The following CDKAL1 variants were observed in gnomAD, a reference collection of about 807,000 sequenced individuals.
CDKAL1 encodes the protein CDKAL1 threonylcarbamoyladenosine tRNA methylthiotransferase.
In CDKAL1, 32 loss-of-function variants were observed where a neutral mutation model predicts 68.2. The observed-to-expected ratio is 0.47, with a 90% CI of 0.35 to 0.63. CDKAL1 has a LOEUF of 0.63. Among genes scored for constraint, CDKAL1 ranks in the 30% least tolerant of loss-of-function variants. The pLI is 0.00. For synonymous variants in CDKAL1, 234 were observed against 244.3 expected (o/e 0.96, Z 0.39); for missense variants, 606 against 696.7 (o/e 0.87, Z 1.47).
chr6:20,670,537 A>AT (rs1051111556), intron 5 of CDKAL1, among the ~76,000 whole-genome samples: 3 of 151,910 alleles, frequency 2.0e-5, no homozygotes, highest in Middle Eastern at 3.2e-3. Context: ...TTATTTATTT[A>AT]TTTTTTGTAC....
chr6:20,870,027 A>G (rs1046087772), intron 9 of CDKAL1, among the ~76,000 whole-genome samples: 1 of 152,248 alleles, frequency 6.6e-6, no homozygotes, highest in Non-Finnish European at 1.5e-5. Context: ...AATAATAGAA[A>G]TGTCCCCATT....
chr6:20,596,993 T>C (rs1161103827), intron 4 of CDKAL1, among the ~76,000 whole-genome samples: 2 of 152,204 alleles, frequency 1.3e-5, no homozygotes, highest in African/African-American at 4.8e-5. Flanking sequence ...CCAGGCCCGT[T>C]GAGATGAGCC....
intron 11 of CDKAL1, among the ~76,000 whole-genome samples, chr6:21,040,040 T>C (rs1769833080): frequency 6.6e-6 from 1 of 152,224 alleles, no homozygotes; most frequent in Non-Finnish European, 1.5e-5. Context: ...AATGTGAGCC[T>C]TGATCCATTG....
chr6:20,822,294 A>G (rs1030120626), intron 8 of CDKAL1, among the ~76,000 whole-genome samples: 3 of 152,332 alleles, frequency 2.0e-5, no homozygotes, highest in Middle Eastern at 3.4e-3. Context: ...GTAGTTGGTT[A>G]TGAATTAATA....
intron 9 of CDKAL1, among the ~76,000 whole-genome samples, chr6:20,868,602 T>C (rs1286653378): frequency 6.6e-6 from 1 of 152,266 alleles, no homozygotes; most frequent in African/African-American, 2.4e-5. Context: ...TGGAAGCTAA[T>C]GTTGGCTTAT....
chr6:20,823,739 T>C (rs1259733919), intron 8 of CDKAL1, among the ~76,000 whole-genome samples: 1 of 152,172 alleles, frequency 6.6e-6, no homozygotes, highest in Admixed American at 6.6e-5. Flanking sequence ...TTGAGAACAA[T>C]GTTACCATCA....
rs141110237 is a variant in CDKAL1, at chr6:20,793,821, A to T, written c.638+12556A>T. 7.7e-3 allele frequency among the ~76,000 whole-genome samples: 1,128 copies of T among 147,300 alleles called. 22 individuals are homozygous for T. Among genetic ancestry groups the T allele is most frequent in the African/African-American group, 0.026 (1,056 of 40,474 alleles). On this transcript the variant is annotated intron_variant, in intron 8 of 15. Coordinates refer to ENST00000274695, the MANE Select transcript of CDKAL1 (RefSeq NM_017774.3). The stretch of plus-strand genomic sequence containing the variant: ...TATATATTATATATATATATATCCT[A>T]ATTAGGTTATATATAATATATATAT...
At chr6:20,995,507 A>C (rs1356793817) in intron 10 of CDKAL1, among the ~76,000 whole-genome samples, 1 of 152,230 alleles carries the variant, frequency 6.6e-6, no homozygotes, top group Non-Finnish European at 1.5e-5. Flanking sequence ...CTCTTTGTAC[A>C]TCCCCATCAG....
intron 11 of CDKAL1, among the ~76,000 whole-genome samples, chr6:21,022,855 A>G (rs1768747981): frequency 6.6e-6 from 1 of 152,158 alleles, no homozygotes; most frequent in South Asian, 2.1e-4. Flanking sequence ...GTGCGTTACT[A>G]TTCACTGTAC....
intron 11 of CDKAL1, among the ~76,000 whole-genome samples, chr6:21,063,239 T>C (rs1473445648): frequency 6.6e-6 from 1 of 152,200 alleles, no homozygotes; most frequent in Non-Finnish European, 1.5e-5. Context: ...GATAGGAAAG[T>C]TGATATTCTA....
intron 4 of CDKAL1, among the ~76,000 whole-genome samples, chr6:20,592,070 T>C (rs1405856345): frequency 6.6e-6 from 1 of 152,216 alleles, no homozygotes; most frequent in East Asian, 1.9e-4. Flanking sequence ...GTAGTTCTCC[T>C]TGAAGAGGTC....
chr6:20,564,477 T>G (rs528177429), intron 4 of CDKAL1, among the ~76,000 whole-genome samples: 81 of 152,348 alleles, frequency 5.3e-4, no homozygotes, highest in African/African-American at 1.9e-3. Flanking sequence ...TTGAGGTTAT[T>G]TTTTTACATT....
At chr6:20,987,702 A>G (rs922984348) in intron 10 of CDKAL1, among the ~76,000 whole-genome samples, 1 of 152,216 alleles carries the variant, frequency 6.6e-6, no homozygotes, top group Admixed American at 6.5e-5. Flanking sequence ...AATAGTTAAG[A>G]AAAAGGATGC....
chr6:20,866,078 G>A (rs1759892189), intron 9 of CDKAL1, among the ~76,000 whole-genome samples: 1 of 152,054 alleles, frequency 6.6e-6, no homozygotes, highest in African/African-American at 2.4e-5. Context: ...GTGCCCCAAA[G>A]AAAGAAAAAA....
At chr6:21,025,505 G>A (rs1297461603) in intron 11 of CDKAL1, among the ~76,000 whole-genome samples, 1 of 152,132 alleles carries the variant, frequency 6.6e-6, no homozygotes, top group Non-Finnish European at 1.5e-5. Context: ...CTTTCAGGCT[G>A]TCCCACCTGA....
intron 2 of CDKAL1, among the ~76,000 whole-genome samples, chr6:20,543,732 A>ATT (rs758586145): frequency 0.02 from 2,010 of 102,368 alleles, 117 homozygotes; most frequent in African/African-American, 0.067. Context: ...TATGTTTTAC[A>ATT]TTTTTTTTTT....
chr6:20,830,373 G>T (rs1170977473), intron 8 of CDKAL1, among the ~76,000 whole-genome samples: 2 of 152,166 alleles, frequency 1.3e-5, no homozygotes, highest in Non-Finnish European at 2.9e-5. Flanking sequence ...TACAATGATT[G>T]TATGAAGTTG....
intron 13 of CDKAL1, among the ~76,000 whole-genome samples, chr6:21,163,324 C>A (rs569392541): frequency 1.3e-5 from 2 of 152,270 alleles, no homozygotes; most frequent in South Asian, 4.1e-4. Flanking sequence ...GCAGAGGCCT[C>A]ACATACATCA....
rs978985750 is a variant in CDKAL1 at position 20,873,462 on chromosome 6, G to A, written c.742+27284G>A. 5.3e-5 allele frequency among the ~76,000 whole-genome samples: 8 copies of A among 152,044 alleles called. No individual in the cohort carries two copies. In the East Asian group the frequency reaches 7.7e-4, roughly 15 times the overall value. On this transcript the variant is annotated intron_variant, in intron 9 of 15. Transcript: ENST00000274695. ...ACATTGTGATTATATTTATAATCAC[G>A]ATCACATAAGAACCTTACTGAGTAT...
Sources: allele counts gnomAD v4.1 joint callset (sites outside exome capture counted in the v4.1 genomes callset), GRCh38; gene constraint gnomAD v4.1.1; transcripts MANE v1.5; gene names NCBI Gene and HGNC (gene_info 2026-07-23, HGNC 2026-07-21).